Variants in CRPPA observed in about 807,000 individuals in gnomAD.
The protein encoded by CRPPA is CDP-L-ribitol pyrophosphorylase A.
Under a neutral mutation model 52.0 loss-of-function variants are expected in CRPPA, and 43 were observed. That is an observed-to-expected ratio of 0.83 (90% confidence interval 0.65 to 1.07). The LOEUF (loss-of-function observed/expected upper bound fraction) is 1.07. Ranked by LOEUF, CRPPA falls within the 50% of genes least tolerant of loss-of-function variation. The pLI is 0.00. For synonymous variants in CRPPA, 250 were observed against 203.5 expected, an observed-to-expected ratio of 1.23 and a Z score of -1.94; for missense variants, 629 against 551.7, an observed-to-expected ratio of 1.14 and a Z score of -1.40.
intron 2 of CRPPA, among the ~76,000 whole-genome samples, chr7:16,382,576 C>T (rs1470839854): frequency 6.6e-6 from 1 of 151,956 alleles, no homozygotes; most frequent in Non-Finnish European, 1.5e-5. Context: ...GGATAATATC[C>T]TGCAGAGTGT....
chr7:16,394,766 CAAGAA>C (rs1288999856), intron 2 of CRPPA, among the ~76,000 whole-genome samples: 5 of 151,934 alleles, frequency 3.3e-5, no homozygotes, highest in Non-Finnish European at 7.4e-5. Context: ...AGTTGTACAA[CAAGAA>C]GAGAGATCAA....
intron 1 of CRPPA, among the ~76,000 whole-genome samples, chr7:16,412,651 C>G (rs1239690698): frequency 6.6e-6 from 1 of 152,160 alleles, no homozygotes; most frequent in Non-Finnish European, 1.5e-5. Flanking sequence ...AATCATGGGA[C>G]TTAAAAAGAC....
At chr7:16,136,739 A>G (rs1166042936) in intron 9 of CRPPA, among the ~76,000 whole-genome samples, 1 of 152,218 alleles carries the variant, frequency 6.6e-6, no homozygotes, top group East Asian at 1.9e-4. Context: ...GAAGGTGCCC[A>G]CTGTTTATTG....
intron 9 of CRPPA, among the ~76,000 whole-genome samples, chr7:16,108,314 C>T (rs1016474764): frequency 6.6e-6 from 1 of 151,726 alleles, no homozygotes; most frequent in Non-Finnish European, 1.5e-5. Context: ...CAAAAGATAG[C>T]AACAGTAGCT....
chr7:16,387,006 A>T (rs1787286373), intron 2 of CRPPA, among the ~76,000 whole-genome samples: 1 of 147,136 alleles, frequency 6.8e-6, no homozygotes, highest in South Asian at 2.2e-4. Flanking sequence ...GGCGATAGAG[A>T]CTATCTCAAA....
intron 3 of CRPPA, among the ~76,000 whole-genome samples, 193 bp downstream of exon 3, chr7:16,375,899 C>T (rs546482265): frequency 5.3e-5 from 8 of 152,150 alleles, no homozygotes; most frequent in East Asian, 1.9e-4. Flanking sequence ...AGCCTGCAAA[C>T]GGATCCTCAA....
rs142753163 is a variant in CRPPA at position 16,298,345 on chromosome 7, G to A, written c.835+3076C>T. Among the ~76,000 whole-genome samples the A allele has an allele frequency of 1.1e-4, 16 of 152,208 alleles. No individual in the cohort carries two copies. The East Asian group carries it at 2.9e-3, about 28-fold the overall frequency. ...TCTCTATTTAAGGGAGGGAAAAAAA[G>A]GAATAGAAATATAAAAAGATCAAAC... is the stretch of plus-strand genomic sequence containing the variant. On this transcript the variant is annotated intron_variant, in intron 5 of 9. Coordinates refer to ENST00000407010, the MANE Select transcript of CRPPA (RefSeq NM_001101426.4).
chr7:16,131,806 C>G (rs1231419688), intron 9 of CRPPA, among the ~76,000 whole-genome samples: 2 of 152,164 alleles, frequency 1.3e-5, no homozygotes, highest in East Asian at 3.9e-4. Context: ...TTCTCGAGCT[C>G]TCGAACTCAA....
rs1583475409 is a variant in CRPPA, at chr7:16,261,881, TTTTATC to T, written c.934-2875_934-2870del. The T allele has an allele frequency of 3.9e-5, 6 of 152,132 alleles. No homozygotes were observed. In the South Asian group the frequency reaches 1.0e-3, roughly 26 times the overall value. The allele number at this position is 152,132 out of a possible 1,614,324, so 9.4% of individuals were successfully genotyped here. A position where few individuals can be genotyped will look rare whatever the true frequency, so the allele number is the denominator to read the frequency against. ...AGTTGTTACATTTGAGGTTTTTTTCTTTTATCTTTATTACCAGAGAAAAATTTGGCT... is the reference window on the plus strand; with the variant it reads ...AGTTGTTACATTTGAGGTTTTTTTCTTTTATTACCAGAGAAAAATTTGGCT... On this transcript the variant is annotated intron_variant, in intron 6 of 9. Coordinates refer to ENST00000407010, the MANE Select transcript of CRPPA (RefSeq NM_001101426.4).
At chr7:16,200,463 C>A (rs1383172701) in intron 9 of CRPPA, among the ~76,000 whole-genome samples, 1 of 152,138 alleles carries the variant, frequency 6.6e-6, no homozygotes, top group Non-Finnish European at 1.5e-5. Context: ...GTACTACATG[C>A]ATGATCTAAA....
At chr7:16,183,650 T>C (rs1025662253) in intron 9 of CRPPA, among the ~76,000 whole-genome samples, 1 of 152,154 alleles carries the variant, frequency 6.6e-6, no homozygotes, top group African/African-American at 2.4e-5. Flanking sequence ...GGCATAGGGC[T>C]CTAAACTTGT....
At chr7:16,389,920 A>ATATATATATATAT (rs1325768493) in intron 2 of CRPPA, among the ~76,000 whole-genome samples, 5 of 65,030 alleles carry the variant, frequency 7.7e-5, no homozygotes, top group Non-Finnish European at 8.5e-5. Context: ...ATACAAAAAA[A>ATATATATATATAT]AAAAAAAAAT....
chr7:16,210,691 A>G (rs368018902), intron 9 of CRPPA: 8 of 152,320 alleles, frequency 5.3e-5, no homozygotes, highest in African/African-American at 1.4e-4. Context: ...ACCCACAGAA[A>G]CTGCGAGATA....
intron 3 of CRPPA, among the ~76,000 whole-genome samples, chr7:16,328,723 C>A (rs1044915014): frequency 6.6e-6 from 1 of 152,120 alleles, no homozygotes; most frequent in Non-Finnish European, 1.5e-5. Context: ...CCATGTTGGC[C>A]AGGCTGGTCT....
intron 9 of CRPPA, among the ~76,000 whole-genome samples, chr7:16,118,768 A>C (rs1435395488): frequency 6.6e-6 from 1 of 152,216 alleles, no homozygotes; most frequent in Non-Finnish European, 1.5e-5. Flanking sequence ...GAAGTTGGCT[A>C]AGGAAAACTA....
intron 3 of CRPPA, among the ~76,000 whole-genome samples, chr7:16,336,885 C>T (rs1173232457): frequency 2.0e-5 from 3 of 151,946 alleles, no homozygotes; most frequent in African/African-American, 7.2e-5. Context: ...CACAAAGAGA[C>T]AAAGAAGGTC....
intron 9 of CRPPA, among the ~76,000 whole-genome samples, chr7:16,193,959 A>AT (rs1195506640): frequency 6.6e-6 from 1 of 152,126 alleles, no homozygotes; most frequent in African/African-American, 2.4e-5. Flanking sequence ...TGTGACTCTC[A>AT]TTTTTTATAC....
At chr7:16,111,700 T>C (rs1782268232) in intron 9 of CRPPA, among the ~76,000 whole-genome samples, 1 of 152,194 alleles carries the variant, frequency 6.6e-6, no homozygotes, top group Non-Finnish European at 1.5e-5. Flanking sequence ...CTTACTTATA[T>C]ATGGAATCTA....
At chr7:16,104,715 A>G (rs1432880792) in intron 9 of CRPPA, among the ~76,000 whole-genome samples, 1 of 151,982 alleles carries the variant, frequency 6.6e-6, no homozygotes, top group South Asian at 2.1e-4. Flanking sequence ...CCTGGTCAAC[A>G]TGATGAAATC....
Sources: allele counts gnomAD v4.1 joint callset (sites outside exome capture counted in the v4.1 genomes callset), GRCh38; gene constraint gnomAD v4.1.1; transcripts MANE v1.5; gene names NCBI Gene and HGNC (gene_info 2026-07-23, HGNC 2026-07-21).